The following PYGO1 variants were observed in gnomAD, a reference collection of about 807,000 sequenced individuals.
The protein encoded by PYGO1 is pygopus family PHD finger 1.
In PYGO1, 6 loss-of-function variants were observed where a neutral mutation model predicts 29.5. That is an observed-to-expected ratio of 0.20 (90% CI 0.11 to 0.40). The LOEUF is 0.40. Ranked by LOEUF, PYGO1 falls within the 10% of genes least tolerant of loss-of-function variation. The pLI is 1.00. For synonymous variants in PYGO1, 186 were observed against 180.5 expected (o/e 1.03, Z -0.24); for missense variants, 515 against 514.9 (o/e 1.00, Z 0.00).
At chr15:55,582,693 C>T (rs7183875) in intron 1 of PYGO1, among the ~76,000 whole-genome samples, 135,367 of 152,194 alleles carry the variant, frequency 0.89, 60,993 homozygotes, top group Non-Finnish European at 0.96. Flanking sequence ...TATACATCCA[C>T]TGTATACACT....
rs919841043 is a variant in PYGO1, at chr15:55,543,594, G to T, written c.*2429C>A. 3.3e-5 allele frequency: 5 copies of T among 152,144 alleles called. No homozygotes were observed. The highest frequency in any genetic ancestry group is 1.2e-4 in the African/African-American group (5 of 41,442). The allele number at this position is 152,144 out of a possible 1,614,324, so 9.4% of individuals were successfully genotyped here. ...TTGCATAACACATACCTTTAGACTA[G>T]CTTGGGAGAAGTTATTTCATTTTCA... On this transcript the variant is annotated 3_prime_UTR_variant, in exon 3 of 3. Coordinates refer to ENST00000563719, the MANE Select transcript of PYGO1 (RefSeq NM_001367806.1).
At chr15:55,547,220 T>C (rs901554741) in intron 2 of PYGO1, 73 bp from the exon 3 acceptor site, 31 of 1,342,668 alleles carry the variant, frequency 2.3e-5, no homozygotes, top group Non-Finnish European at 2.9e-5. Flanking sequence ...GTTACCTTAA[T>C]ACCTGTGAAC....
At chr15:55,552,311 G>A (rs941524491) in intron 1 of PYGO1, among the ~76,000 whole-genome samples, 4 of 137,300 alleles carry the variant, frequency 2.9e-5, no homozygotes, top group South Asian at 4.6e-4. Context: ...AGTTGAGATC[G>A]CACCACTGCA....
In PYGO1 at chr15:55,545,283, A is replaced by G. The variant is rs1286636426; in HGVS notation, c.*740T>C. On this transcript the variant is annotated 3_prime_UTR_variant, in exon 3 of 3. Coordinates refer to ENST00000563719, the MANE Select transcript of PYGO1 (RefSeq NM_001367806.1). ...AATATCAAAGAAAAGTAGGAGCATA[A>G]TACTATCATAATTCTAAATAGCACA... 6.6e-6 allele frequency: 1 copy of G among 152,226 alleles called. No individual in the cohort carries two copies. Among genetic ancestry groups the G allele is most frequent in the African/African-American group, 2.4e-5 (1 of 41,468 alleles). The allele number at this position is 152,226 out of a possible 1,614,324, so 9.4% of individuals were successfully genotyped here. A position where few individuals can be genotyped will look rare whatever the true frequency, so the allele number is the denominator to read the frequency against.
intron 1 of PYGO1, among the ~76,000 whole-genome samples, chr15:55,578,274 T>G (rs2059012027): frequency 6.6e-6 from 1 of 152,332 alleles, no homozygotes; most frequent in South Asian, 2.1e-4. Context: ...TTTCCACTTT[T>G]GGGGCTATTA....
At chr15:55,558,223 A>G (rs898795502) in intron 1 of PYGO1, among the ~76,000 whole-genome samples, 5 of 152,340 alleles carry the variant, frequency 3.3e-5, no homozygotes, top group African/African-American at 9.6e-5. Context: ...ACAGAGAGCC[A>G]AATCATGAGT....
chr15:55,567,359 C>T (rs564622301), intron 1 of PYGO1, among the ~76,000 whole-genome samples: 7 of 151,874 alleles, frequency 4.6e-5, no homozygotes, highest in African/African-American at 1.7e-4. Flanking sequence ...AAGCATGTGC[C>T]ACCATACCTG....
At chr15:55,576,759 T>TAAAAAAAAAAA (rs1567059330) in intron 1 of PYGO1, among the ~76,000 whole-genome samples, 2 of 4,186 alleles carry the variant, frequency 4.8e-4, no homozygotes, top group African/African-American at 1.0e-3. Context: ...GGGCGACAGA[T>TAAAAAAAAAAA]CAAAAAAAAG....
intron 1 of PYGO1, among the ~76,000 whole-genome samples, chr15:55,584,583 G>T (rs986705777): frequency 6.6e-6 from 1 of 152,138 alleles, no homozygotes; most frequent in Admixed American, 6.5e-5. Flanking sequence ...ACATTCTAAG[G>T]GAAAAGGGCA....
chr15:55,575,927 T>A (rs917800990), intron 1 of PYGO1, among the ~76,000 whole-genome samples: 3 of 152,214 alleles, frequency 2.0e-5, no homozygotes, highest in African/African-American at 7.2e-5. Context: ...CCACAATCCT[T>A]TGTTCCACAG....
At chr15:55,556,474 A>G (rs2058905696) in intron 1 of PYGO1, among the ~76,000 whole-genome samples, 1 of 152,214 alleles carries the variant, frequency 6.6e-6, no homozygotes, top group Non-Finnish European at 1.5e-5. Context: ...AATGTACCAG[A>G]ATCTCTGGGA....
chr15:55,587,937 A>C lies in PYGO1; in HGVS notation c.-54T>G, dbSNP rs1322452677. 2.0e-5 allele frequency: 29 copies of C among 1,452,172 alleles called. No homozygotes were observed. The highest frequency in any genetic ancestry group is 2.5e-5 in the Non-Finnish European group (28 of 1,099,290). 90.0% of individuals were successfully genotyped at this position (1,452,172 alleles called of 1,614,324 possible). On this transcript the variant is annotated 5_prime_UTR_variant, in exon 1 of 3. Coordinates refer to ENST00000563719, the MANE Select transcript of PYGO1 (RefSeq NM_001367806.1). ...AGGCCGCGGGAATTCGGTCTCTTTG[A>C]TGCTGCGGCGGCGGCTCCTCCTCCT...
chr15:55,556,723 G>A (rs964085938), intron 1 of PYGO1, among the ~76,000 whole-genome samples: 2 of 150,626 alleles, frequency 1.3e-5, no homozygotes, highest in African/African-American at 2.4e-5. Flanking sequence ...TTGGTATTTC[G>A]AAAAAATTAA....
chr15:55,584,390 C>T lies in PYGO1; in HGVS notation c.49+3445G>A, dbSNP rs796637697. ...CCTTCCAAGGTGCTGGGATTACAAGCGTGAGCCACTGCGCCCAGCCAGGTG... is the reference window on the plus strand; with the variant it reads ...CCTTCCAAGGTGCTGGGATTACAAGTGTGAGCCACTGCGCCCAGCCAGGTG... On this transcript the variant is annotated intron_variant, in intron 1 of 2. Coordinates refer to ENST00000563719, the MANE Select transcript of PYGO1 (RefSeq NM_001367806.1). Among the ~76,000 whole-genome samples, 32 of 152,216 alleles carry T rather than the reference C, an allele frequency of 2.1e-4. 1 individual carries two copies. The highest frequency in any genetic ancestry group is 7.5e-4 in the African/African-American group (31 of 41,532).
intron 1 of PYGO1, among the ~76,000 whole-genome samples, chr15:55,576,042 T>C (rs1342420418): frequency 6.6e-6 from 1 of 152,222 alleles, no homozygotes; most frequent in Non-Finnish European, 1.5e-5. Flanking sequence ...TATTATTTGT[T>C]AAAAATAACT....
intron 1 of PYGO1, among the ~76,000 whole-genome samples, chr15:55,553,399 C>CTT (rs199785590): frequency 3.1e-4 from 45 of 143,344 alleles, no homozygotes; most frequent in African/African-American, 1.0e-3. Context: ...AGACTGCTTC[C>CTT]TTTTTTTTTT....
intron 1 of PYGO1, among the ~76,000 whole-genome samples, chr15:55,554,595 T>C (rs1567052507): frequency 6.6e-6 from 1 of 151,856 alleles, no homozygotes. Context: ...GAGCATGCTG[T>C]AACCCAATGC....
Position 55,572,001 on chromosome 15 carries a change from GTT to G in PYGO1, c.49+15832_49+15833del, listed in dbSNP as rs535759310. ...TGTCCCTCAATAGGGTTTTTAGGGA[GTT>G]TTTATCTACAGATTCAATATAATCT... On this transcript the variant is annotated intron_variant, in intron 1 of 2. Coordinates refer to ENST00000563719, the MANE Select transcript of PYGO1 (RefSeq NM_001367806.1). Among the ~76,000 whole-genome samples the G allele has an allele frequency of 2.1e-3, 320 of 152,158 alleles. 1 individual carries two copies. Among genetic ancestry groups the G allele is most frequent in the African/African-American group, 6.9e-3 (286 of 41,506 alleles).
chr15:55,587,802 C>A, intron 1 of PYGO1, 33 bp downstream of exon 1: 1 of 1,477,144 alleles, frequency 6.8e-7, no homozygotes, highest in Non-Finnish European at 9.0e-7. Context: ...TCACTCACCC[C>A]GGTTCCCCCA....
Sources: gnomAD v4.1 joint callset for allele counts (sites outside exome capture counted in the v4.1 genomes callset) on GRCh38, gnomAD v4.1.1 for gene constraint, MANE v1.5 for transcripts, NCBI Gene and HGNC (gene_info 2026-07-23, HGNC 2026-07-21) for gene names.